ELAPOR2: variants seen among roughly 807,000 people sequenced by gnomAD.
ELAPOR2 encodes endosome/lysosome-associated apoptosis and autophagy regulator family member 2.
Under a neutral mutation model 120.7 loss-of-function variants are expected in ELAPOR2, and 89 were observed. The ratio of observed to expected loss-of-function variants is 0.74; its 90% CI spans 0.62 to 0.88. ELAPOR2 has a LOEUF of 0.88. Ranked by LOEUF, ELAPOR2 falls within the 40% of genes least tolerant of loss-of-function variation. ELAPOR2 has a pLI of 0.00. For missense variants in ELAPOR2, 1,134 were observed against 1,251.6 expected (o/e 0.91, Z 1.42); for synonymous variants, 444 against 444.9 (o/e 1.00, Z 0.03).
intron 8 of ELAPOR2, among the ~76,000 whole-genome samples, chr7:86,934,767 TA>T (rs1486736221): frequency 5.9e-5 from 9 of 151,978 alleles, no homozygotes; most frequent in African/African-American, 2.2e-4. Flanking sequence ...CTGATGTACA[TA>T]ATGGCCCTTC....
chr7:86,944,863 C>A, intron 4 of ELAPOR2, 36 bp downstream of exon 4: 1 of 1,494,806 alleles, frequency 6.7e-7, no homozygotes, highest in African/African-American at 1.4e-5. Context: ...ATGAATGTCC[C>A]TTAAAAAGTA....
intron 12 of ELAPOR2, among the ~76,000 whole-genome samples, chr7:86,915,836 A>T (rs2116128136): frequency 6.6e-6 from 1 of 152,046 alleles, no homozygotes; most frequent in Non-Finnish European, 1.5e-5. Flanking sequence ...TAGGAATAAC[A>T]GAAAATGCTC....
At chr7:86,917,604 G>A (rs111874036) in intron 12 of ELAPOR2, among the ~76,000 whole-genome samples, 1,881 of 152,148 alleles carry the variant, frequency 0.012, 26 homozygotes, top group African/African-American at 0.037. Context: ...GAAGACTTAC[G>A]GGTTATTTGT....
Position 86,910,003 on chromosome 7 carries a change from T to C in ELAPOR2, c.2170-2A>G, listed in dbSNP as rs139694301. 1 of 1,600,498 alleles carries C rather than the reference T, an allele frequency of 6.2e-7. No homozygotes were observed. The highest frequency in any genetic ancestry group is 1.4e-5 in the African/African-American group (1 of 74,062). ...GGTACAGAGAGCCATCTTCTTCCCCTAGGAAAATAAAGTCATAAAAGAAAG... is the reference window on the plus strand; with the variant it reads ...GGTACAGAGAGCCATCTTCTTCCCCCAGGAAAATAAAGTCATAAAAGAAAG... On this transcript the variant is annotated splice_acceptor_variant, in intron 15 of 21. Transcript: ENST00000450689. LOFTEE classifies it high-confidence loss of function.
At chr7:86,925,783 AC>A (rs1417870222) in intron 9 of ELAPOR2, 127 bp from the exon 10 acceptor site, 2 of 831,232 alleles carry the variant, frequency 2.4e-6, no homozygotes, top group Non-Finnish European at 1.9e-6. Flanking sequence ...ATATTGGACT[AC>A]CAGTTCCCTC....
chr7:87,023,049 T>A (rs1794115503), intron 1 of ELAPOR2, among the ~76,000 whole-genome samples: 1 of 151,904 alleles, frequency 6.6e-6, no homozygotes. Context: ...GATGTTAGTT[T>A]ATTTTGCTCT....
At chr7:87,056,931 CT>C (rs1215086652) in intron 1 of ELAPOR2, among the ~76,000 whole-genome samples, 1 of 152,192 alleles carries the variant, frequency 6.6e-6, no homozygotes, top group Non-Finnish European at 1.5e-5. Context: ...TGGCCTATAG[CT>C]TTTTCTATAC....
intron 21 of ELAPOR2, among the ~76,000 whole-genome samples, chr7:86,887,312 T>C (rs749677202): frequency 2.0e-5 from 3 of 152,104 alleles, no homozygotes; most frequent in Non-Finnish European, 4.4e-5. Flanking sequence ...TCTGCCATCA[T>C]AGACTGGGCA....
At chr7:86,983,236 G>T (rs1211403519) in intron 1 of ELAPOR2, among the ~76,000 whole-genome samples, 1 of 152,250 alleles carries the variant, frequency 6.6e-6, no homozygotes, top group Non-Finnish European at 1.5e-5. Context: ...GTGACGGGCA[G>T]AATGGAACCA....
At chr7:86,891,466 G>A (rs761169564) in intron 21 of ELAPOR2, 20 of 356,556 alleles carry the variant, frequency 5.6e-5, no homozygotes, top group Non-Finnish European at 9.5e-5. Context: ...AACAGCTGCA[G>A]AGTTGCATAG....
chr7:86,884,759 G>C (rs1030567946), intron 21 of ELAPOR2, among the ~76,000 whole-genome samples: 21 of 152,116 alleles, frequency 1.4e-4, no homozygotes, highest in Non-Finnish European at 4.4e-5. Context: ...CGAAAATTTT[G>C]ACTGACTCAC....
intron 1 of ELAPOR2, among the ~76,000 whole-genome samples, chr7:87,042,472 A>C (rs2129015954): frequency 6.6e-6 from 1 of 151,778 alleles, no homozygotes; most frequent in South Asian, 2.1e-4. Flanking sequence ...AAAACCGCTC[A>C]ACTACATGGA....
rs1362895975 is a variant in ELAPOR2 at position 86,945,030 on chromosome 7, G to A, written c.523C>T (p.Arg175Cys). 17 of 1,549,388 alleles carry A rather than the reference G, an allele frequency of 1.1e-5. No individual in the cohort carries two copies. The highest frequency in any genetic ancestry group is 7.3e-5 in the East Asian group (3 of 40,822). The change falls in exon 4 of 22, where the codon CGT becomes TGT. Residue 175 changes from arginine to cysteine, a missense_variant. Around this residue, in one of 3 missense-constraint regions of ELAPOR2, gnomAD observed 280 missense variants for 331.5 expected, o/e 0.84. Transcript: ENST00000450689. ...CGATTAGATTCTATGTAGTTTCCAC[G>A]AGGGATCCAAGAAGAGCTGTGGAAA... ...DGCNNSSWIP[R>C]GNYIESNRDD... is the part of the protein sequence containing the mutation.
Position 87,022,880 on chromosome 7 carries a change from T to A in ELAPOR2, c.189+36445A>T, listed in dbSNP as rs186729952. On this transcript the variant is annotated intron_variant, in intron 1 of 21. Coordinates refer to ENST00000450689, the MANE Select transcript of ELAPOR2 (RefSeq NM_001142749.3). Reference sequence around the variant, plus strand: ...TTTTTGGCTGTATAAATGTCTTCTTTTGAGAAGTGTCTGTTCATATCCTTT... The same window carrying A: ...TTTTTGGCTGTATAAATGTCTTCTTATGAGAAGTGTCTGTTCATATCCTTT... Among the ~76,000 whole-genome samples, 1,279 of 152,172 alleles carry A rather than the reference T, an allele frequency of 8.4e-3. 21 individuals carry two copies. The highest frequency in any genetic ancestry group is 0.03 in the African/African-American group (1,228 of 41,462).
At chr7:86,995,466 A>G (rs1241424607) in intron 1 of ELAPOR2, among the ~76,000 whole-genome samples, 2 of 152,228 alleles carry the variant, frequency 1.3e-5, no homozygotes, top group Non-Finnish European at 2.9e-5. Context: ...TTTTCCCAGA[A>G]GCACATAGTA....
At chr7:87,055,520 T>A (rs1219191151) in intron 1 of ELAPOR2, among the ~76,000 whole-genome samples, 1 of 152,186 alleles carries the variant, frequency 6.6e-6, no homozygotes, top group Admixed American at 6.5e-5. Flanking sequence ...CAATGCTGTT[T>A]CATGTTTCTG....
chr7:86,946,868 A>C (rs1791030968), intron 3 of ELAPOR2, among the ~76,000 whole-genome samples: 1 of 152,228 alleles, frequency 6.6e-6, no homozygotes, highest in Non-Finnish European at 1.5e-5. Flanking sequence ...CCTTCCTCTA[A>C]GGAACTCTTT....
At chr7:86,921,401 G>A (rs1194217953) in intron 10 of ELAPOR2, among the ~76,000 whole-genome samples, 1 of 152,056 alleles carries the variant, frequency 6.6e-6, no homozygotes. Context: ...CACAGACCCA[G>A]AGGGAGGACG....
At position 87,054,215 on chromosome 7, in the gene ELAPOR2, C is replaced by T. The variant is rs148895416; in HGVS notation, c.189+5110G>A. ...CCAAAATGTGGCTAGTGTTTTCTGA[C>T]AATAAAGAATTATTATAAGATGCAA... On this transcript the variant is annotated intron_variant, in intron 1 of 21. Coordinates refer to ENST00000450689, the MANE Select transcript of ELAPOR2 (RefSeq NM_001142749.3). 7.1e-3 allele frequency among the ~76,000 whole-genome samples: 1,079 copies of T among 152,218 alleles called. 7 individuals are homozygous for T. Among genetic ancestry groups the T allele is most frequent in the Non-Finnish European group, 0.011 (764 of 67,990 alleles).
Sources: gnomAD v4.1 joint callset for allele counts (sites outside exome capture counted in the v4.1 genomes callset) on GRCh38, gnomAD v4.1.1 for gene constraint, gnomAD v4.1.1 regional missense constraint, MANE v1.5 for transcripts, NCBI Gene and HGNC (gene_info 2026-07-23, HGNC 2026-07-21) for gene names.